The following CADM2 variants were observed in gnomAD, a reference collection of about 807,000 sequenced individuals.
CADM2 encodes the protein immunoglobulin superfamily member 4D.
In CADM2, 12 loss-of-function variants were observed where a neutral mutation model predicts 49.8. The ratio of observed to expected loss-of-function variants is 0.24; its 90% confidence interval spans 0.15 to 0.39. The LOEUF (loss-of-function observed/expected upper bound fraction) is 0.39. CADM2 is among the 10% of genes least tolerant of loss of function. The probability of loss-of-function intolerance (pLI) is 1.00; values close to 1 mark genes in which losing one functional copy is unlikely to be tolerated. For synonymous variants in CADM2, 214 were observed against 175.4 expected (o/e 1.22, Z -1.74); for missense variants, 378 against 492.3 (o/e 0.77, Z 2.20).
At chr3:85,163,957 C>G (rs1383627747) in intron 1 of CADM2, among the ~76,000 whole-genome samples, 1 of 151,970 alleles carries the variant, frequency 6.6e-6, no homozygotes, top group East Asian at 1.9e-4. Flanking sequence ...ACTCATTCCC[C>G]CCAGGCAATT....
chr3:85,021,719 G>T (rs1217356099), intron 1 of CADM2, among the ~76,000 whole-genome samples: 1 of 152,164 alleles, frequency 6.6e-6, no homozygotes, highest in Non-Finnish European at 1.5e-5. Flanking sequence ...AGGTTGCAGT[G>T]AGCCGAGATC....
intron 9 of CADM2, among the ~76,000 whole-genome samples, chr3:86,066,075 C>G (rs1337708976): frequency 2.6e-5 from 4 of 151,882 alleles, no homozygotes; most frequent in African/African-American, 9.7e-5. Flanking sequence ...ATCTGTGTAG[C>G]CATATTTAGT....
intron 1 of CADM2, among the ~76,000 whole-genome samples, chr3:85,513,138 C>A (rs1028514384): frequency 2.0e-5 from 3 of 151,884 alleles, no homozygotes; most frequent in Non-Finnish European, 4.4e-5. Flanking sequence ...TTATTTCATG[C>A]TTAAGTTGGA....
chr3:85,455,717 A>G (rs911970371), intron 1 of CADM2, among the ~76,000 whole-genome samples: 1 of 152,150 alleles, frequency 6.6e-6, no homozygotes, highest in Non-Finnish European at 1.5e-5. Flanking sequence ...GCAGAAGGGC[A>G]ATTTTATTAA....
chr3:85,392,165 T>C (rs1203759016), intron 1 of CADM2, among the ~76,000 whole-genome samples: 1 of 152,098 alleles, frequency 6.6e-6, no homozygotes, highest in Non-Finnish European at 1.5e-5. Flanking sequence ...TTTGGTATGC[T>C]TGAGAACAGT....
At chr3:85,463,259 G>A (rs1055728395) in intron 1 of CADM2, among the ~76,000 whole-genome samples, 1 of 152,108 alleles carries the variant, frequency 6.6e-6, no homozygotes, top group African/African-American at 2.4e-5. Context: ...TAGTGGTTGT[G>A]AAATGCTGAA....
At chr3:85,398,249 T>C (rs1165444867) in intron 1 of CADM2, among the ~76,000 whole-genome samples, 1 of 151,828 alleles carries the variant, frequency 6.6e-6, no homozygotes, top group African/African-American at 2.4e-5. Context: ...GAGTGAGAAC[T>C]TGCAGTGTTT....
At chr3:85,202,948 A>G (rs2041545378) in intron 1 of CADM2, among the ~76,000 whole-genome samples, 2 of 152,118 alleles carry the variant, frequency 1.3e-5, no homozygotes, top group African/African-American at 4.8e-5. Context: ...CTTAAATCTC[A>G]TGATCCAATC....
At chr3:85,296,875 T>G (rs1359943889) in intron 1 of CADM2, among the ~76,000 whole-genome samples, 1 of 152,114 alleles carries the variant, frequency 6.6e-6, no homozygotes, top group Non-Finnish European at 1.5e-5. Flanking sequence ...ACCCAATGCA[T>G]GAAAACAATG....
At chr3:85,149,519 G>T (rs1000747637) in intron 1 of CADM2, among the ~76,000 whole-genome samples, 1 of 152,144 alleles carries the variant, frequency 6.6e-6, no homozygotes, top group Non-Finnish European at 1.5e-5. Context: ...GAGGTCTGGA[G>T]ATCGAGACCA....
At chr3:85,261,588 A>G (rs1576232994) in intron 1 of CADM2, among the ~76,000 whole-genome samples, 1 of 152,180 alleles carries the variant, frequency 6.6e-6, no homozygotes, top group Admixed American at 6.6e-5. Flanking sequence ...TTCAGTGAGT[A>G]TCCTATTTTT....
rs1393255376 is a variant in CADM2 at position 85,887,805 on chromosome 3, G to C, written c.529+1478G>C. On this transcript the variant is annotated intron_variant, in intron 5 of 9. Transcript: ENST00000383699. ...TGTTAGTCTAGGCATTTCTGGACTT[G>C]GTTAGATCTCTCTTTAATGGATGTT... Among the ~76,000 whole-genome samples, 5 of 152,064 alleles carry C rather than the reference G, an allele frequency of 3.3e-5. No individual in the cohort carries two copies. In the East Asian group the frequency reaches 9.7e-4, roughly 29 times the overall value.
intron 1 of CADM2, among the ~76,000 whole-genome samples, chr3:85,235,323 C>CT (rs1256980223): frequency 6.6e-6 from 1 of 152,066 alleles, no homozygotes; most frequent in Non-Finnish European, 1.5e-5. Context: ...CCTGGGACCT[C>CT]TATGCCTTGG....
At chr3:86,037,752 C>A (rs1407768568) in intron 8 of CADM2, among the ~76,000 whole-genome samples, 1 of 152,046 alleles carries the variant, frequency 6.6e-6, no homozygotes, top group Non-Finnish European at 1.5e-5. Context: ...ATACCATATA[C>A]CAGACATACA....
chr3:85,612,602 A>C (rs1397019462), intron 1 of CADM2, among the ~76,000 whole-genome samples: 1 of 151,844 alleles, frequency 6.6e-6, no homozygotes, highest in African/African-American at 2.4e-5. Context: ...TTTACAAAAC[A>C]TATTAGCAGA....
intron 1 of CADM2, among the ~76,000 whole-genome samples, chr3:85,220,342 T>A (rs1212336415): frequency 6.6e-6 from 1 of 152,130 alleles, no homozygotes; most frequent in East Asian, 1.9e-4. Flanking sequence ...TTTGGTGACA[T>A]GTTTCCTCAG....
intron 1 of CADM2, among the ~76,000 whole-genome samples, chr3:85,245,192 A>C (rs1479222591): frequency 2.0e-5 from 3 of 152,160 alleles, no homozygotes; most frequent in African/African-American, 7.2e-5. Context: ...TGGATTCAAG[A>C]ACATGCAATA....
At chr3:85,520,111 A>G (rs2060997146) in intron 1 of CADM2, among the ~76,000 whole-genome samples, 1 of 151,990 alleles carries the variant, frequency 6.6e-6, no homozygotes, top group African/African-American at 2.4e-5. Flanking sequence ...TATGCTTATT[A>G]TTGTTTATGA....
intron 1 of CADM2, among the ~76,000 whole-genome samples, chr3:85,488,250 A>T (rs1342776757): frequency 3.3e-5 from 5 of 152,176 alleles, no homozygotes; most frequent in Non-Finnish European, 7.3e-5. Flanking sequence ...CCACATGTAA[A>T]TTAAATTATT....
Sources: gnomAD v4.1 joint callset for allele counts (sites outside exome capture counted in the v4.1 genomes callset) on GRCh38, gnomAD v4.1.1 for gene constraint, MANE v1.5 for transcripts, NCBI Gene and HGNC (gene_info 2026-07-23, HGNC 2026-07-21) for gene names.